SPACA7: variants seen among roughly 807,000 people sequenced by gnomAD.
SPACA7 encodes sperm acrosome-associated protein 7.
Under a neutral mutation model 26.3 loss-of-function variants are expected in SPACA7, and 19 were observed. That is an observed-to-expected ratio of 0.72 (90% confidence interval 0.50 to 1.06). The LOEUF is 1.06. Ranked by LOEUF, SPACA7 falls within the 50% of genes least tolerant of loss-of-function variation. The pLI is 0.00. For missense variants in SPACA7, 211 were observed against 229.9 expected, an observed-to-expected ratio of 0.92 and a Z score of 0.53; for synonymous variants, 84 against 84.5, an observed-to-expected ratio of 0.99 and a Z score of 0.04.
At chr13:112,427,532 T>G (rs947381760) in intron 5 of SPACA7, among the ~76,000 whole-genome samples, 1 of 152,242 alleles carries the variant, frequency 6.6e-6, no homozygotes, top group Admixed American at 6.5e-5. Flanking sequence ...TTTCTCTAGC[T>G]TTGGTTTTAA....
chr13:112,419,298 C>T (rs1339204302), intron 5 of SPACA7, among the ~76,000 whole-genome samples: 1 of 152,162 alleles, frequency 6.6e-6, no homozygotes. Flanking sequence ...ATATAATATG[C>T]ATTTGAAAAA....
intron 1 of SPACA7, among the ~76,000 whole-genome samples, chr13:112,377,761 A>G (rs1883785251): frequency 6.6e-6 from 1 of 152,246 alleles, no homozygotes; most frequent in African/African-American, 2.4e-5. Flanking sequence ...TGTTCAAGAA[A>G]GAAGAGACAT....
At chr13:112,415,969 G>A (rs1328375592) in intron 5 of SPACA7, among the ~76,000 whole-genome samples, 1 of 151,624 alleles carries the variant, frequency 6.6e-6, no homozygotes, top group African/African-American at 2.4e-5. Context: ...CCAGCATTGA[G>A]CTCCAATGCA....
intron 1 of SPACA7, among the ~76,000 whole-genome samples, chr13:112,383,480 A>G (rs967108423): frequency 5.3e-5 from 8 of 152,246 alleles, no homozygotes; most frequent in African/African-American, 1.4e-4. Flanking sequence ...ATGAAGTACA[A>G]CTAGAATAAT....
rs549608928 is a variant in SPACA7 at position 112,422,986 on chromosome 13, A to G, written c.446-9458A>G. Among the ~76,000 whole-genome samples, 3 of 152,332 alleles carry G rather than the reference A, an allele frequency of 2.0e-5. No homozygotes were observed. In the South Asian group the frequency reaches 6.2e-4, roughly 32 times the overall value. ...GCAACTGTTCAAGAACAATGTTAAC[A>G]TTACATATAGGAATGCTACATTTTC... is the stretch of plus-strand genomic sequence containing the variant. On this transcript the variant is annotated intron_variant, in intron 5 of 6. Transcript: ENST00000283550.
At chr13:112,393,112 A>G in intron 2 of SPACA7, 35 bp downstream of exon 2, 1 of 1,563,688 alleles carries the variant, frequency 6.4e-7, no homozygotes, top group East Asian at 2.2e-5. Flanking sequence ...TCTGGCCTGT[A>G]CGTGAAGAGG....
intron 1 of SPACA7, 113 bp from the exon 2 acceptor site, chr13:112,392,908 C>A: frequency 2.6e-6 from 2 of 763,110 alleles, no homozygotes; most frequent in South Asian, 2.2e-5. Flanking sequence ...TTGGGCAGGG[C>A]TCCTTCCTCT....
chr13:112,386,749 C>T (rs1040928892), intron 1 of SPACA7, among the ~76,000 whole-genome samples: 38 of 152,184 alleles, frequency 2.5e-4, no homozygotes, highest in African/African-American at 9.2e-4. Flanking sequence ...TTTTAATTAA[C>T]CTGACTTTTA....
chr13:112,380,056 A>C (rs1032272877), intron 1 of SPACA7, among the ~76,000 whole-genome samples: 5 of 152,306 alleles, frequency 3.3e-5, no homozygotes, highest in Admixed American at 3.3e-4. Context: ...TAAGACACAG[A>C]ATCTTTGTTT....
At chr13:112,387,321 G>C (rs1278025832) in intron 1 of SPACA7, among the ~76,000 whole-genome samples, 3 of 152,208 alleles carry the variant, frequency 2.0e-5, no homozygotes, top group East Asian at 3.8e-4. Flanking sequence ...ATTTCATCCA[G>C]TATTGGTTTC....
chr13:112,424,945 A>G (rs1876384355), intron 5 of SPACA7, among the ~76,000 whole-genome samples: 1 of 152,220 alleles, frequency 6.6e-6, no homozygotes, highest in Non-Finnish European at 1.5e-5. Flanking sequence ...TGCCTTGAGT[A>G]GGTGTTTGTT....
At chr13:112,379,215 T>C (rs1426249716) in intron 1 of SPACA7, among the ~76,000 whole-genome samples, 1 of 152,218 alleles carries the variant, frequency 6.6e-6, no homozygotes, top group Non-Finnish European at 1.5e-5. Flanking sequence ...TCTCCCTGAG[T>C]TCTGGAAAAG....
chr13:112,422,344 C>T (rs1223991861), intron 5 of SPACA7, among the ~76,000 whole-genome samples: 1 of 152,116 alleles, frequency 6.6e-6, no homozygotes, highest in Non-Finnish European at 1.5e-5. Flanking sequence ...TCTATAGTTA[C>T]ATTTGGAAAC....
chr13:112,432,056 C>T (rs1234939791), intron 5 of SPACA7, among the ~76,000 whole-genome samples: 2 of 152,208 alleles, frequency 1.3e-5, no homozygotes, highest in African/African-American at 2.4e-5. Context: ...AGGACCACGG[C>T]TCAAGTGACC....
intron 5 of SPACA7, among the ~76,000 whole-genome samples, chr13:112,427,835 T>A (rs1461347150): frequency 6.6e-6 from 1 of 152,184 alleles, no homozygotes; most frequent in Non-Finnish European, 1.5e-5. Context: ...TTGGCAAAAG[T>A]TTTTCACAAT....
At chr13:112,418,442 T>C (rs1042285431) in intron 5 of SPACA7, among the ~76,000 whole-genome samples, 32 of 152,218 alleles carry the variant, frequency 2.1e-4, no homozygotes, top group African/African-American at 7.7e-4. Context: ...ATAGTGTAGA[T>C]AAAAAACCAT....
At chr13:112,388,375 G>A (rs1377209626) in intron 1 of SPACA7, among the ~76,000 whole-genome samples, 1 of 152,164 alleles carries the variant, frequency 6.6e-6, no homozygotes, top group Non-Finnish European at 1.5e-5. Context: ...ACCCTACCAT[G>A]GGGCTACAGA....
At chr13:112,396,495 A>G (rs61960794) in intron 2 of SPACA7, among the ~76,000 whole-genome samples, 40,465 of 151,932 alleles carry the variant, frequency 0.27, 6,118 homozygotes, top group Non-Finnish European at 0.35. Flanking sequence ...GCTGGCTGGA[A>G]TGGGGTAGAG....
intron 5 of SPACA7, among the ~76,000 whole-genome samples, chr13:112,425,861 G>A (rs1011360302): frequency 6.6e-6 from 1 of 152,136 alleles, no homozygotes; most frequent in Non-Finnish European, 1.5e-5. Flanking sequence ...CCACATCACG[G>A]GTCCTAGAGT....
Sources: allele counts gnomAD v4.1 joint callset (sites outside exome capture counted in the v4.1 genomes callset), GRCh38; gene constraint gnomAD v4.1.1; transcripts MANE v1.5; gene names NCBI Gene and HGNC (gene_info 2026-07-23, HGNC 2026-07-21).